Variants in HNMT observed in about 807,000 individuals in gnomAD.
The protein encoded by HNMT is histamine N-methyltransferase.
In HNMT, 30 loss-of-function variants were observed where a neutral mutation model predicts 32.1. The ratio of observed to expected loss-of-function variants is 0.93; its 90% CI spans 0.70 to 1.27. HNMT has a LOEUF of 1.27. Ranked by LOEUF, HNMT falls within the 50% of genes most tolerant of loss-of-function variation. The probability of loss-of-function intolerance (pLI) is 0.00; values close to 1 mark genes in which losing one functional copy is unlikely to be tolerated. For synonymous variants in HNMT, 125 were observed against 119.0 expected, an observed-to-expected ratio of 1.05 and a Z score of -0.33; for missense variants, 327 against 346.0, an observed-to-expected ratio of 0.95 and a Z score of 0.43.
intron 4 of HNMT, among the ~76,000 whole-genome samples, chr2:138,003,668 C>T (rs191825076): frequency 2.6e-5 from 4 of 152,180 alleles, no homozygotes; most frequent in Admixed American, 6.5e-5. Flanking sequence ...TGCAATCTCT[C>T]CCAGACCATT....
At chr2:137,974,270 C>T (rs1022702809) in intron 2 of HNMT, among the ~76,000 whole-genome samples, 4 of 152,066 alleles carry the variant, frequency 2.6e-5, no homozygotes, top group African/African-American at 7.2e-5. Flanking sequence ...TTGCTTTATT[C>T]AGGGTCTTGA....
chr2:137,992,307 C>T (rs1680845706), intron 2 of HNMT, among the ~76,000 whole-genome samples: 1 of 152,176 alleles, frequency 6.6e-6, no homozygotes. Context: ...ATCTGCCTAA[C>T]ACAAAGCTCC....
intron 2 of HNMT, among the ~76,000 whole-genome samples, chr2:137,999,696 C>A (rs181407660): frequency 4.6e-5 from 7 of 152,118 alleles, no homozygotes; most frequent in Non-Finnish European, 8.8e-5. Flanking sequence ...AGGTCAACAT[C>A]ATAACCTAAC....
chr2:137,967,255 T>G lies in HNMT; in HGVS notation c.137+2627T>G, dbSNP rs573755293. ...GCAAGATCCCATCTCTACAAAAAAG[T>G]GAAAAAGTTAGCTGAACAAGGCGGC... On this transcript the variant is annotated intron_variant, in intron 1 of 5. Transcript: ENST00000280097. The G allele has an allele frequency of 8.0e-5, 50 of 623,132 alleles. No individual in the cohort carries two copies. In the South Asian group the frequency reaches 9.1e-4, roughly 11 times the overall value. The allele number at this position is 623,132 out of a possible 1,614,324, so 38.6% of individuals were successfully genotyped here.
intron 2 of HNMT, among the ~76,000 whole-genome samples, chr2:137,995,531 A>G (rs1680965501): frequency 6.6e-6 from 1 of 152,220 alleles, no homozygotes; most frequent in Non-Finnish European, 1.5e-5. Flanking sequence ...TTAATAGCCT[A>G]CCAACCAAAG....
chr2:137,978,343 A>T (rs1381672387), intron 2 of HNMT, among the ~76,000 whole-genome samples: 1 of 146,744 alleles, frequency 6.8e-6, no homozygotes, highest in Non-Finnish European at 1.5e-5. Flanking sequence ...TATATAATAT[A>T]TGATTATATA....
chr2:138,001,907 A>C (rs1362571088), intron 3 of HNMT, among the ~76,000 whole-genome samples, 157 bp from the exon 4 acceptor site: 1 of 152,144 alleles, frequency 6.6e-6, no homozygotes, highest in Non-Finnish European at 1.5e-5. Context: ...AAACCAAAAA[A>C]AGCAGTATGA....
At chr2:137,999,890 A>G (rs1681107274) in intron 2 of HNMT, among the ~76,000 whole-genome samples, 1 of 148,152 alleles carries the variant, frequency 6.7e-6, no homozygotes, top group Admixed American at 6.9e-5. Flanking sequence ...TAATAAATTA[A>G]GTACTATTAT....
rs187893534 is a variant in HNMT, at chr2:137,969,648, G to A, written c.138-517G>A. Among the ~76,000 whole-genome samples the A allele has an allele frequency of 1.3e-4, 20 of 151,710 alleles. No homozygotes were observed. In the East Asian group the frequency reaches 2.1e-3, roughly 16 times the overall value. On this transcript the variant is annotated intron_variant, in intron 1 of 5. Coordinates refer to ENST00000280097, the MANE Select transcript of HNMT (RefSeq NM_006895.3). ...ATTTCTAGTACCTGAGTCATAATTC[G>A]GGCTTTATTATCTCACATTTCATTT...
chr2:138,002,213 A>G lies in HNMT; in HGVS notation c.429+19A>G. On this transcript the variant is annotated intron_variant, in intron 4 of 5. Coordinates refer to ENST00000280097, the MANE Select transcript of HNMT (RefSeq NM_006895.3). ...GATTCAAGTAAGAAATATGTATTAT[A>G]ATATATACTCAGAAAGAAGACTTTT... 1 of 1,435,028 alleles carries G rather than the reference A, an allele frequency of 7.0e-7. No individual in the cohort carries two copies. Among genetic ancestry groups the G allele is most frequent in the South Asian group, 1.4e-5 (1 of 72,224 alleles). 88.9% of individuals were successfully genotyped at this position (1,435,028 alleles called of 1,614,324 possible). A position where few individuals can be genotyped will look rare whatever the true frequency, so the allele number is the denominator to read the frequency against.
rs549690598 is a variant in HNMT at position 137,973,788 on chromosome 2, G to T, written c.190+3571G>T. ...TTCTCATGGTTTTTTTTGGGGGGGG[G>T]TGGTCTATTTGATTTTTTTCAGAAA... On this transcript the variant is annotated intron_variant, in intron 2 of 5. Coordinates refer to ENST00000280097, the MANE Select transcript of HNMT (RefSeq NM_006895.3). Among the ~76,000 whole-genome samples the T allele has an allele frequency of 2.0e-5, 3 of 151,928 alleles. No homozygotes were observed. The South Asian group carries it at 6.2e-4, about 32-fold the overall frequency.
intron 2 of HNMT, among the ~76,000 whole-genome samples, chr2:137,971,681 C>T (rs1235770506): frequency 1.3e-5 from 2 of 152,140 alleles, no homozygotes; most frequent in African/African-American, 2.4e-5. Context: ...ATATAGGTAA[C>T]ATTTACAAAG....
chr2:138,008,970 C>T (rs947928990), intron 5 of HNMT, among the ~76,000 whole-genome samples: 2 of 152,008 alleles, frequency 1.3e-5, no homozygotes, highest in Non-Finnish European at 2.9e-5. Flanking sequence ...AAACAGACAA[C>T]CTACGGAATG....
At chr2:137,994,417 CA>C (rs899395687) in intron 2 of HNMT, among the ~76,000 whole-genome samples, 17 of 152,008 alleles carry the variant, frequency 1.1e-4, no homozygotes, top group Admixed American at 3.9e-4. Context: ...CAACAAAGAT[CA>C]AAAAAGACAA....
At chr2:138,000,483 C>T (rs1199522824) in intron 2 of HNMT, among the ~76,000 whole-genome samples, 1 of 151,932 alleles carries the variant, frequency 6.6e-6, no homozygotes, top group Admixed American at 6.6e-5. Flanking sequence ...TTGTACTCTT[C>T]TGGCCTAGCC....
chr2:138,000,943 C>G lies in HNMT; in HGVS notation c.216C>G (p.Ser72=). ...GAGEIDLQIL[S]KVQAQYPGVC... ...GTGAAATTGATCTTCAAATTCTCTC[C>G]AAAGTTCAGGCTCAATACCCAGGAG... Residue 72 remains serine (S), a synonymous_variant, in exon 3 of 6, where the codon TCC becomes TCG. Coordinates refer to ENST00000280097, the MANE Select transcript of HNMT (RefSeq NM_006895.3). The G allele has an allele frequency of 6.2e-7, 1 of 1,604,406 alleles. No homozygotes were observed. Among genetic ancestry groups the G allele is most frequent in the Non-Finnish European group, 8.5e-7 (1 of 1,174,924 alleles).
intron 5 of HNMT, among the ~76,000 whole-genome samples, chr2:138,009,708 G>A (rs1681435659): frequency 6.6e-6 from 1 of 151,984 alleles, no homozygotes; most frequent in South Asian, 2.1e-4. Context: ...ACACACATAG[G>A]AATGATCCAC....
chr2:137,970,837 G>A (rs1003860916), intron 2 of HNMT, among the ~76,000 whole-genome samples: 4 of 150,256 alleles, frequency 2.7e-5, no homozygotes, highest in Admixed American at 2.7e-4. Flanking sequence ...GGAGAATGGC[G>A]TGAATCCTGG....
chr2:138,012,984 G>A (rs914174734), intron 5 of HNMT, among the ~76,000 whole-genome samples: 4 of 151,962 alleles, frequency 2.6e-5, no homozygotes, highest in African/African-American at 4.8e-5. Context: ...CTTCCCATCG[G>A]TGAGGCCAGG....
Sources: allele counts gnomAD v4.1 joint callset (sites outside exome capture counted in the v4.1 genomes callset), GRCh38; gene constraint gnomAD v4.1.1; transcripts MANE v1.5; gene names NCBI Gene and HGNC (gene_info 2026-07-23, HGNC 2026-07-21).